UBE3C: variants seen among roughly 807,000 people sequenced by gnomAD.
UBE3C encodes the protein ubiquitin-protein ligase E3C.
Under a neutral mutation model 129.4 loss-of-function variants are expected in UBE3C, and 42 were observed. The observed-to-expected ratio is 0.32, with a 90% CI of 0.25 to 0.42. UBE3C has a LOEUF of 0.42. Among genes scored for constraint, UBE3C ranks in the 10% least tolerant of loss-of-function variants. The pLI is 1.00. For missense variants in UBE3C, 1,049 were observed against 1,319.1 expected, an observed-to-expected ratio of 0.80 and a Z score of 3.17; for synonymous variants, 510 against 492.4, an observed-to-expected ratio of 1.04 and a Z score of -0.47.
At chr7:157,146,061 G>C (rs1400475724) in intron 1 of UBE3C, among the ~76,000 whole-genome samples, 1 of 152,096 alleles carries the variant, frequency 6.6e-6, no homozygotes, top group East Asian at 1.9e-4. Context: ...TTAGGTCTCT[G>C]ATCCATTTTG....
intron 1 of UBE3C, among the ~76,000 whole-genome samples, chr7:157,159,519 G>T (rs972172531): frequency 1.3e-5 from 2 of 152,164 alleles, no homozygotes; most frequent in Non-Finnish European, 2.9e-5. Context: ...AAGCAAAATG[G>T]CATTTTGGTT....
chr7:157,163,175 G>C (rs890469629), intron 1 of UBE3C, among the ~76,000 whole-genome samples: 2 of 151,954 alleles, frequency 1.3e-5, no homozygotes, highest in South Asian at 2.1e-4. Flanking sequence ...CAGGAGGTCA[G>C]GAGATCGAGA....
At chr7:157,159,250 A>C (rs1484794793) in intron 1 of UBE3C, among the ~76,000 whole-genome samples, 1 of 152,180 alleles carries the variant, frequency 6.6e-6, no homozygotes, top group African/African-American at 2.4e-5. Context: ...ACTTGAAAAA[A>C]GTATTTTGAA....
At chr7:157,212,705 T>A (rs1809631223) in intron 13 of UBE3C, among the ~76,000 whole-genome samples, 1 of 152,232 alleles carries the variant, frequency 6.6e-6, no homozygotes, top group Non-Finnish European at 1.5e-5. Context: ...TATTTTTCAT[T>A]CAAATGGCAC....
At chr7:157,262,253 A>C (rs1022173977) in intron 22 of UBE3C, among the ~76,000 whole-genome samples, 9 of 151,886 alleles carry the variant, frequency 5.9e-5, no homozygotes, top group Middle Eastern at 3.2e-3. Context: ...TTTATGAGAG[A>C]TTTAAAGGAG....
intron 1 of UBE3C, among the ~76,000 whole-genome samples, chr7:157,147,346 G>A (rs1807634072): frequency 6.6e-6 from 1 of 152,154 alleles, no homozygotes; most frequent in African/African-American, 2.4e-5. Flanking sequence ...TATTTGTAGA[G>A]AAGCAATTGA....
intron 1 of UBE3C, among the ~76,000 whole-genome samples, chr7:157,156,709 T>G (rs1807917658): frequency 8.0e-6 from 1 of 124,412 alleles, no homozygotes; most frequent in African/African-American, 4.7e-5. Flanking sequence ...AATTCCCTTC[T>G]TTTTAAAAAA....
intron 1 of UBE3C, among the ~76,000 whole-genome samples, chr7:157,156,332 A>C (rs1363094947): frequency 2.9e-4 from 36 of 125,302 alleles, no homozygotes; most frequent in African/African-American, 1.0e-3. Flanking sequence ...TTTGAGACAG[A>C]GTCCTGCTCT....
rs774605378 is a variant in UBE3C, at chr7:157,181,645, T to A, written c.744T>A (p.Thr248=). The change falls in exon 7 of 23, where the codon ACT becomes ACA. Residue 248 remains threonine (T), a synonymous_variant. Transcript: ENST00000348165. ...ATGTTCTAAAACCATTGCACTTTAC[T>A]TACAACTCCTGTCCGGAAGGTGCGA... ...LENVLKPLHF[T]YNSCPEGARQ... is the part of the protein sequence containing the mutation. 3 of 1,613,440 alleles carry A rather than the reference T, an allele frequency of 1.9e-6. No homozygotes were observed. The South Asian group carries it at 3.3e-5, about 18-fold the overall frequency.
chr7:157,191,731 TGATTA>T (rs1808973642), intron 10 of UBE3C, among the ~76,000 whole-genome samples: 1 of 152,246 alleles, frequency 6.6e-6, no homozygotes, highest in African/African-American at 2.4e-5. Context: ...TGGGATAAAA[TGATTA>T]CACAGATGAC....
intron 18 of UBE3C, among the ~76,000 whole-genome samples, chr7:157,242,980 G>A (rs1182394): frequency 0.51 from 77,546 of 151,706 alleles, 20,251 homozygotes; most frequent in South Asian, 0.56. Flanking sequence ...GCTTGAAACC[G>A]GAAGGCAGAG....
At chr7:157,229,118 G>A (rs1212660121) in intron 17 of UBE3C, among the ~76,000 whole-genome samples, 2 of 152,098 alleles carry the variant, frequency 1.3e-5, no homozygotes, top group African/African-American at 4.8e-5. Context: ...GCTTTCCCCT[G>A]ACTTCATGCA....
chr7:157,174,831 C>T, intron 4 of UBE3C, 88 bp from the exon 5 acceptor site: 1 of 885,714 alleles, frequency 1.1e-6, no homozygotes, highest in Non-Finnish European at 1.7e-6. Context: ...ATGTGCATTG[C>T]CACTAAAGGA....
At chr7:157,205,496 G>A (rs1809407727) in intron 11 of UBE3C, among the ~76,000 whole-genome samples, 1 of 152,196 alleles carries the variant, frequency 6.6e-6, no homozygotes, top group Non-Finnish European at 1.5e-5. Flanking sequence ...CAAGACGCAG[G>A]AGTGGGCTCC....
At chr7:157,233,706 T>C (rs1392288111) in intron 18 of UBE3C, among the ~76,000 whole-genome samples, 1 of 152,250 alleles carries the variant, frequency 6.6e-6, no homozygotes, top group Non-Finnish European at 1.5e-5. Context: ...ATACAAGCTG[T>C]TATTTGGACA....
intron 18 of UBE3C, among the ~76,000 whole-genome samples, chr7:157,237,755 A>G (rs1328140350): frequency 1.3e-5 from 2 of 152,090 alleles, no homozygotes; most frequent in East Asian, 3.9e-4. Flanking sequence ...CAAATAATCT[A>G]AAAAATAGTG....
chr7:157,178,852 G>A lies in UBE3C; in HGVS notation c.616+5G>A. 1 of 1,613,780 alleles carries A rather than the reference G, an allele frequency of 6.2e-7. No homozygotes were observed. The highest frequency in any genetic ancestry group is 8.5e-7 in the Non-Finnish European group (1 of 1,179,764). ...TGCACTACATGATTCACAATGGTAA[G>A]TAGTAGGCAGGATCAGAACTGTGGC... is the stretch of plus-strand genomic sequence containing the variant. On this transcript the variant is annotated splice_donor_5th_base_variant and intron_variant, in intron 6 of 22. Transcript: ENST00000348165.
intron 15 of UBE3C, chr7:157,222,405 A>C (rs979466252): frequency 6.7e-6 from 1 of 148,250 alleles, no homozygotes; most frequent in Non-Finnish European, 1.5e-5. Context: ...TTCACCTAAC[A>C]CTTTACTTTT....
rs1363673711 is a variant in UBE3C at position 157,158,970 on chromosome 7, C to G, written c.67-4840C>G. On this transcript the variant is annotated intron_variant, in intron 1 of 22. Transcript: ENST00000348165. Reference sequence around the variant, plus strand: ...CCCTTTTTGTATTGAAAACACAGTCCTACTAGTCTCATGTATGCGGGGATA... The same window carrying G: ...CCCTTTTTGTATTGAAAACACAGTCGTACTAGTCTCATGTATGCGGGGATA... Among the ~76,000 whole-genome samples, 38 of 152,180 alleles carry G rather than the reference C, an allele frequency of 2.5e-4. 2 individuals are homozygous for G. Among genetic ancestry groups the G allele is most frequent in the Admixed American group, 2.5e-3 (38 of 15,280 alleles).
Sources: allele counts gnomAD v4.1 joint callset (sites outside exome capture counted in the v4.1 genomes callset), GRCh38; gene constraint gnomAD v4.1.1; transcripts MANE v1.5; gene names NCBI Gene and HGNC (gene_info 2026-07-23, HGNC 2026-07-21).